Variants in SERP2 observed in about 807,000 individuals in gnomAD.
SERP2 encodes stress-associated endoplasmic reticulum protein 2.
Under a neutral mutation model 9.1 loss-of-function variants are expected in SERP2, and 6 were observed. The ratio of observed to expected loss-of-function variants is 0.66; its 90% CI spans 0.36 to 1.30. SERP2 has a LOEUF of 1.30. Among genes scored for constraint, SERP2 ranks in the 50% most tolerant of loss-of-function variants. SERP2 has a pLI of 0.03. For synonymous variants in SERP2, 37 were observed against 27.3 expected, an observed-to-expected ratio of 1.35 and a Z score of -1.10; for missense variants, 58 against 81.9, an observed-to-expected ratio of 0.71 and a Z score of 1.13.
chr13:44,385,830 C>T (rs1872282030), intron 2 of SERP2, among the ~76,000 whole-genome samples: 3 of 152,130 alleles, frequency 2.0e-5, no homozygotes, highest in Admixed American at 2.0e-4. Context: ...TAAGTACAGG[C>T]CCATAGCAAG....
At chr13:44,377,548 G>T (rs1049684286) in intron 1 of SERP2, among the ~76,000 whole-genome samples, 3 of 152,172 alleles carry the variant, frequency 2.0e-5, no homozygotes, top group Admixed American at 1.3e-4. Context: ...TCTTGTCCTC[G>T]TCTGATTAAG....
At chr13:44,379,547 G>C (rs1871842566) in intron 1 of SERP2, 94 bp from the exon 2 acceptor site, 1 of 842,300 alleles carries the variant, frequency 1.2e-6, no homozygotes. Flanking sequence ...ATTCGCAGTA[G>C]AATCCCCAGC....
chr13:44,376,003 C>A (rs1871627039), intron 1 of SERP2, among the ~76,000 whole-genome samples: 1 of 152,228 alleles, frequency 6.6e-6, no homozygotes, highest in Non-Finnish European at 1.5e-5. Context: ...AGTATGAGTT[C>A]ATTTTAATAT....
At chr13:44,391,216 G>A (rs908464332) in intron 2 of SERP2, 10 of 152,128 alleles carry the variant, frequency 6.6e-5, no homozygotes, top group South Asian at 2.1e-4. Flanking sequence ...GGTGAGAGTC[G>A]GTTGGGATGG....
chr13:44,377,801 T>C (rs1198250801), intron 1 of SERP2, among the ~76,000 whole-genome samples: 1 of 152,238 alleles, frequency 6.6e-6, no homozygotes, highest in African/African-American at 2.4e-5. Context: ...ACCTAAGAAA[T>C]CTTATTTAAT....
chr13:44,378,107 T>C (rs1871765014), intron 1 of SERP2, among the ~76,000 whole-genome samples: 1 of 152,246 alleles, frequency 6.6e-6, no homozygotes, highest in African/African-American at 2.4e-5. Context: ...TAAAGAACTG[T>C]TGCCTTATCT....
chr13:44,389,228 C>T (rs890190709), intron 2 of SERP2, among the ~76,000 whole-genome samples: 5 of 152,210 alleles, frequency 3.3e-5, no homozygotes, highest in African/African-American at 1.2e-4. Context: ...AGGAAGTTAA[C>T]ATGGTTGCTA....
At chr13:44,397,077 GC>G (rs1347719119) in intron 2 of SERP2, among the ~76,000 whole-genome samples, 194 bp from the exon 3 acceptor site, 1 of 152,220 alleles carries the variant, frequency 6.6e-6, no homozygotes, top group Non-Finnish European at 1.5e-5. Context: ...GCATCCATCA[GC>G]CGACTGAGCG....
upstream of SERP2, chr13:44,373,780 A>C (rs1566088130): frequency 2.2e-6 from 1 of 452,116 alleles, no homozygotes; most frequent in Non-Finnish European, 3.9e-6. This position sits in a 1 kb window ranked among gnomAD's most constrained non-coding sequence, Gnocchi z 4.8. Flanking sequence ...GGGGACCGGA[A>C]GGATGGCGAG....
intron 2 of SERP2, among the ~76,000 whole-genome samples, chr13:44,379,923 T>C (rs752377503): frequency 1.3e-5 from 2 of 152,220 alleles, no homozygotes; most frequent in Admixed American, 1.3e-4. Context: ...ATCCTAATCA[T>C]AAAATGATTA....
intron 1 of SERP2, among the ~76,000 whole-genome samples, chr13:44,378,725 C>G (rs1595048366): frequency 6.6e-6 from 1 of 151,896 alleles, no homozygotes; most frequent in East Asian, 1.9e-4. Flanking sequence ...TCTGATGCAT[C>G]TCTCAGAAAA....
At chr13:44,395,214 CTCCT>C (rs915638497) in intron 2 of SERP2, among the ~76,000 whole-genome samples, 1 of 152,196 alleles carries the variant, frequency 6.6e-6, no homozygotes, top group Admixed American at 6.5e-5. Context: ...TTAATTTTTA[CTCCT>C]TGTGAGCCTT....
At chr13:44,386,252 C>T (rs749024314) in intron 2 of SERP2, among the ~76,000 whole-genome samples, 1 of 152,224 alleles carries the variant, frequency 6.6e-6, no homozygotes, top group Non-Finnish European at 1.5e-5. Flanking sequence ...CCCCAATCCA[C>T]CACTCTTTTG....
chr13:44,381,615 T>C (rs1243674236), intron 2 of SERP2, among the ~76,000 whole-genome samples: 1 of 152,208 alleles, frequency 6.6e-6, no homozygotes, highest in Non-Finnish European at 1.5e-5. Flanking sequence ...GGCAGTAGGA[T>C]TGTCACTGCC....
chr13:44,379,560 C>A, intron 1 of SERP2, 81 bp from the exon 2 acceptor site: 1 of 1,054,326 alleles, frequency 9.5e-7, no homozygotes, highest in South Asian at 1.4e-5. Context: ...TCCCCAGCAC[C>A]TAGCACAATG....
intron 2 of SERP2, among the ~76,000 whole-genome samples, chr13:44,396,250 T>C (rs781497671): frequency 6.6e-6 from 1 of 152,156 alleles, no homozygotes; most frequent in Non-Finnish European, 1.5e-5. Flanking sequence ...GATGTGCTCA[T>C]TGATGCCAGA....
chr13:44,389,049 A>C (rs1010860289), intron 2 of SERP2, among the ~76,000 whole-genome samples: 1 of 152,258 alleles, frequency 6.6e-6, no homozygotes, highest in African/African-American at 2.4e-5. Context: ...CTTTGAGCCC[A>C]AAGGTTGAGG....
chr13:44,376,745 AGTCTGGGT>A (rs1431694309), intron 1 of SERP2, among the ~76,000 whole-genome samples: 1 of 152,148 alleles, frequency 6.6e-6, no homozygotes, highest in African/African-American at 2.4e-5. Flanking sequence ...ACCGCACTCC[AGTCTGGGT>A]GACAGAGCAA....
At chr13:44,376,396 T>C (rs530670096) in intron 1 of SERP2, among the ~76,000 whole-genome samples, 1 of 152,332 alleles carries the variant, frequency 6.6e-6, no homozygotes, top group East Asian at 1.9e-4. Flanking sequence ...CTTCTTTAAT[T>C]GTATGCAGAT....
Sources: allele counts gnomAD v4.1 joint callset (sites outside exome capture counted in the v4.1 genomes callset), GRCh38; gene constraint gnomAD v4.1.1; non-coding constraint Gnocchi (gnomAD v3.1); transcripts MANE v1.5; gene names NCBI Gene and HGNC (gene_info 2026-07-23, HGNC 2026-07-21).